Variants in PIWIL4 observed in about 807,000 individuals in gnomAD.
The protein encoded by PIWIL4 is piwi-like protein 4.
A neutral mutation model predicts 100.9 loss-of-function variants in PIWIL4; 50 were observed. The observed-to-expected ratio is 0.50, with a 90% confidence interval of 0.39 to 0.63. The LOEUF (loss-of-function observed/expected upper bound fraction) is 0.63. Among genes scored for constraint, PIWIL4 ranks in the 20% least tolerant of loss-of-function variants. The pLI is 0.00. For synonymous variants in PIWIL4, 342 were observed against 367.5 expected, an observed-to-expected ratio of 0.93 and a Z score of 0.79; for missense variants, 887 against 1,043.3, an observed-to-expected ratio of 0.85 and a Z score of 2.06.
chr11:94,589,785 C>T (rs1431596455), intron 8 of PIWIL4, among the ~76,000 whole-genome samples: 1 of 152,184 alleles, frequency 6.6e-6, no homozygotes, highest in Non-Finnish European at 1.5e-5. Flanking sequence ...GCATTCCTCC[C>T]AGAATCCCCT....
rs547936009 is a variant in PIWIL4, at chr11:94,603,035, T to C, written c.1566-949T>C. Among the ~76,000 whole-genome samples the C allele has an allele frequency of 1.0e-3, 156 of 152,392 alleles. 1 individual carries two copies. The highest frequency in any genetic ancestry group is 6.8e-3 in the Middle Eastern group (2 of 294). ...TTTTATTTGAAAGCTCGTATTTTATTTCAACCTTCTTTTTTCCATGAAGTA... is the reference window on the plus strand; with the variant it reads ...TTTTATTTGAAAGCTCGTATTTTATCTCAACCTTCTTTTTTCCATGAAGTA... On this transcript the variant is annotated intron_variant, in intron 12 of 19. Coordinates refer to ENST00000299001, the MANE Select transcript of PIWIL4 (RefSeq NM_152431.3).
chr11:94,577,141 A>T (rs529615299), intron 3 of PIWIL4, 137 bp from the exon 4 acceptor site: 3 of 675,810 alleles, frequency 4.4e-6, no homozygotes, highest in African/African-American at 3.6e-5. Context: ...TTTAGGATTT[A>T]TCCTGTGTCA....
intron 8 of PIWIL4, among the ~76,000 whole-genome samples, chr11:94,589,500 C>CT (rs2135263638): frequency 6.6e-6 from 1 of 152,322 alleles, no homozygotes; most frequent in Non-Finnish European, 1.5e-5. Flanking sequence ...TCCATGTCTC[C>CT]TTATTGCCTT....
At chr11:94,615,643 T>C (rs1948838017) in intron 15 of PIWIL4, among the ~76,000 whole-genome samples, 2 of 152,200 alleles carry the variant, frequency 1.3e-5, no homozygotes, top group African/African-American at 4.8e-5. Context: ...ACAAAATGTT[T>C]AGAGATGGGG....
Position 94,585,489 on chromosome 11 carries a change from A to G in PIWIL4, c.680A>G (p.Tyr227Cys), listed in dbSNP as rs903252968. Residue 227 changes from tyrosine to cysteine, a missense_variant, in exon 6 of 20, where the codon TAT becomes TGT. Around this residue, in one of 2 missense-constraint regions of PIWIL4, gnomAD observed 741 missense variants for 930.0 expected, o/e 0.80. Transcript: ENST00000299001. ...LSMYQIGRNF[Y>C]NPSEPMEIPQ... The stretch of plus-strand genomic sequence containing the variant: ...ATGTACCAAATTGGACGGAACTTCT[A>G]TAATCCTTCAGAGCCAATGGAAATT... The G allele has an allele frequency of 2.5e-6, 4 of 1,610,594 alleles. No homozygotes were observed. The highest frequency in any genetic ancestry group is 2.7e-5 in the African/African-American group (2 of 74,892).
At chr11:94,609,747 G>C (rs1413862707) in intron 15 of PIWIL4, among the ~76,000 whole-genome samples, 1 of 151,870 alleles carries the variant, frequency 6.6e-6, no homozygotes, top group Non-Finnish European at 1.5e-5. Flanking sequence ...TATCAGTTTT[G>C]ATAATTGATG....
At chr11:94,609,179 G>A (rs186539685) in intron 15 of PIWIL4, among the ~76,000 whole-genome samples, 3 of 152,248 alleles carry the variant, frequency 2.0e-5, no homozygotes, top group East Asian at 3.9e-4. Flanking sequence ...AGGCATTTAT[G>A]GGAATTATCT....
chr11:94,587,104 C>G lies in PIWIL4; in HGVS notation c.771C>G (p.Leu257=). Residue 257 remains leucine, a synonymous_variant, in exon 7 of 20, where the codon CTC becomes CTG. Coordinates refer to ENST00000299001, the MANE Select transcript of PIWIL4 (RefSeq NM_152431.3). ...CTGTGTCATATTTTGAAAGGAAGCT[C>G]CTGTTTAGTGCTGATGTGAGTTACA... is the stretch of plus-strand genomic sequence containing the variant. The part of the protein sequence containing the change: ...AISVSYFERK[L]LFSADVSYKV... 3.1e-6 allele frequency: 5 copies of G among 1,613,874 alleles called. No homozygotes were observed.
At chr11:94,584,907 A>T (rs1948377546) in intron 5 of PIWIL4, among the ~76,000 whole-genome samples, 1 of 152,284 alleles carries the variant, frequency 6.6e-6, no homozygotes, top group East Asian at 1.9e-4. Context: ...TCTACCAAAA[A>T]TACAAAATTA....
chr11:94,593,864 T>G (rs1948519518), intron 9 of PIWIL4, among the ~76,000 whole-genome samples: 1 of 152,194 alleles, frequency 6.6e-6, no homozygotes, highest in Non-Finnish European at 1.5e-5. Context: ...ATAGACCCCC[T>G]GATATCATCC....
At chr11:94,615,630 A>C (rs1353427338) in intron 15 of PIWIL4, among the ~76,000 whole-genome samples, 1 of 152,128 alleles carries the variant, frequency 6.6e-6, no homozygotes, top group Non-Finnish European at 1.5e-5. Flanking sequence ...TTTTTACAAA[A>C]AAACAAAATG....
At chr11:94,596,885 T>C (rs1429803595) in intron 10 of PIWIL4, among the ~76,000 whole-genome samples, 1 of 152,186 alleles carries the variant, frequency 6.6e-6, no homozygotes, top group Non-Finnish European at 1.5e-5. Flanking sequence ...TAGTGAGCTA[T>C]TGCAGAGAGA....
intron 11 of PIWIL4, among the ~76,000 whole-genome samples, chr11:94,601,076 G>A (rs879240307): frequency 1.3e-4 from 19 of 150,010 alleles, no homozygotes; most frequent in Admixed American, 4.7e-4. Flanking sequence ...CATCCTCCTC[G>A]GCTTACGAGA....
rs1948735692 is a variant in PIWIL4, at chr11:94,607,483, C to T, written c.1683C>T (p.Ser561=). 20 of 1,613,760 alleles carry T rather than the reference C, an allele frequency of 1.2e-5. No homozygotes were observed. Among genetic ancestry groups the T allele is most frequent in the Non-Finnish European group, 1.7e-5 (20 of 1,179,926 alleles). ...LPSNQKTYYD[S]IKKYLSSDCP... The stretch of plus-strand genomic sequence containing the variant: ...CTAATCAGAAGACCTATTATGATTC[C>T]ATTAAAAAATATTTGAGCTCAGACT... Residue 561 remains serine (S), a synonymous_variant, in exon 14 of 20, where the codon TCC becomes TCT. Coordinates refer to ENST00000299001, the MANE Select transcript of PIWIL4 (RefSeq NM_152431.3).
chr11:94,603,608 T>C (rs1948675522), intron 12 of PIWIL4, among the ~76,000 whole-genome samples: 1 of 152,164 alleles, frequency 6.6e-6, no homozygotes, highest in South Asian at 2.1e-4. Flanking sequence ...AGCAATTCAC[T>C]CTTACAGAAA....
chr11:94,571,784 C>A (rs1352189419), intron 2 of PIWIL4, among the ~76,000 whole-genome samples: 2 of 152,184 alleles, frequency 1.3e-5, no homozygotes, highest in Non-Finnish European at 2.9e-5. Context: ...GACTTATAAT[C>A]TTTTGGGTAT....
At position 94,597,873 on chromosome 11, in the gene PIWIL4, C is replaced by A; in HGVS notation, c.1338C>A (p.Gly446=). The A allele has an allele frequency of 6.2e-7, 1 of 1,613,914 alleles. No individual in the cohort carries two copies. The highest frequency in any genetic ancestry group is 1.1e-5 in the South Asian group (1 of 91,068). The part of the protein sequence containing the change: ...LHFGSQISLT[G]RIVPSEKILM... ...TTGGAAGCCAGATATCTCTGACTGG[C>A]CGGATTGTGCCTTCAGAAAAAATAT... The change falls in exon 11 of 20, where the codon GGC becomes GGA. Residue 446 remains glycine, a synonymous_variant. Transcript: ENST00000299001.
chr11:94,574,966 A>G (rs776563896), intron 2 of PIWIL4, 33 bp from the exon 3 acceptor site: 1 of 1,598,680 alleles, frequency 6.3e-7, no homozygotes. Context: ...AGAATGAAAT[A>G]TTAGCTGTTA....
rs111509405 is a variant in PIWIL4, at chr11:94,607,651, G to A, written c.1839+12G>A. ...CTGTGGAAATACCTGTAAGGACCCT[G>A]TCACATTTTTTCTATTAGTAATTAA... On this transcript the variant is annotated intron_variant, in intron 14 of 19. Coordinates refer to ENST00000299001, the MANE Select transcript of PIWIL4 (RefSeq NM_152431.3). The A allele has an allele frequency of 8.1e-6, 13 of 1,606,270 alleles. No homozygotes were observed. In the African/African-American group the frequency reaches 1.6e-4, roughly 20 times the overall value.
Sources: gnomAD v4.1 joint callset for allele counts (sites outside exome capture counted in the v4.1 genomes callset) on GRCh38, gnomAD v4.1.1 for gene constraint, gnomAD v4.1.1 regional missense constraint, MANE v1.5 for transcripts, NCBI Gene and HGNC (gene_info 2026-07-23, HGNC 2026-07-21) for gene names.